Variants in PLEKHA5 observed in about 807,000 individuals in gnomAD.
PLEKHA5 encodes the protein pleckstrin homology domain-containing family A member 5.
In PLEKHA5, 55 loss-of-function variants were observed where a neutral mutation model predicts 181.9. The observed-to-expected ratio is 0.30, with a 90% CI of 0.24 to 0.38. PLEKHA5 has a LOEUF of 0.38. Among genes scored for constraint, PLEKHA5 ranks in the 10% least tolerant of loss-of-function variants. The probability of loss-of-function intolerance (pLI) is 1.00; values close to 1 mark genes in which losing one functional copy is unlikely to be tolerated. For missense variants in PLEKHA5, 1,432 were observed against 1,549.5 expected, an observed-to-expected ratio of 0.92 and a Z score of 1.27; for synonymous variants, 535 against 529.4, an observed-to-expected ratio of 1.01 and a Z score of -0.15.
intron 31 of PLEKHA5, among the ~76,000 whole-genome samples, chr12:19,374,210 G>T (rs1212147916): frequency 1.3e-5 from 2 of 150,596 alleles, no homozygotes; most frequent in African/African-American, 4.9e-5. Flanking sequence ...TCATTTTGTT[G>T]ATCTTTTGGA....
chr12:19,336,445 T>TA, intron 20 of PLEKHA5, 70 bp from the exon 21 acceptor site: 1 of 776,806 alleles, frequency 1.3e-6, no homozygotes, highest in Non-Finnish European at 2.2e-6. Context: ...TCTAGAAAGT[T>TA]ACAATTGGAG....
intron 12 of PLEKHA5, among the ~76,000 whole-genome samples, chr12:19,286,187 A>G (rs2077176996): frequency 6.6e-6 from 1 of 152,238 alleles, no homozygotes; most frequent in Admixed American, 6.5e-5. Context: ...TTGTATACTG[A>G]CATATGTCAA....
At chr12:19,244,058 T>C (rs1220623027) in intron 3 of PLEKHA5, among the ~76,000 whole-genome samples, 1 of 152,078 alleles carries the variant, frequency 6.6e-6, no homozygotes, top group Non-Finnish European at 1.5e-5. Context: ...CATTAAGAAA[T>C]TTTATATTTA....
chr12:19,129,944 C>A (rs1275639312), intron 1 of PLEKHA5, 56 bp downstream of exon 1: 5 of 1,508,202 alleles, frequency 3.3e-6, no homozygotes, highest in South Asian at 1.2e-5. Context: ...AGGAGGCGGG[C>A]GGCTGGCGAC....
At position 19,149,012 on chromosome 12, in the gene PLEKHA5, G is replaced by A. The variant is rs78099780; in HGVS notation, c.227+16562G>A. Among the ~76,000 whole-genome samples the A allele has an allele frequency of 8.0e-3, 1,212 of 152,214 alleles. 8 individuals are homozygous for A. The highest frequency in any genetic ancestry group is 0.02 in the Middle Eastern group (6 of 294). On this transcript the variant is annotated intron_variant, in intron 3 of 31. Transcript: ENST00000429027. ...TGGTAGTAGAAGTAAAGTCCTTTGGGGTTGTGAGTCTTTACTGTATATAAC... is the reference window on the plus strand; with the variant it reads ...TGGTAGTAGAAGTAAAGTCCTTTGGAGTTGTGAGTCTTTACTGTATATAAC...
intron 26 of PLEKHA5, among the ~76,000 whole-genome samples, chr12:19,355,792 T>C (rs1433312249): frequency 1.3e-5 from 2 of 152,034 alleles, no homozygotes; most frequent in Non-Finnish European, 2.9e-5. Context: ...TTTTTACAGA[T>C]TGGAAGATTT....
chr12:19,138,759 CACGTATAAT>C (rs1340416335), intron 3 of PLEKHA5, among the ~76,000 whole-genome samples: 1 of 151,810 alleles, frequency 6.6e-6, no homozygotes, highest in Non-Finnish European at 1.5e-5. Context: ...GGGCTGGGAA[CACGTATAAT>C]ATGTGAATAT....
In PLEKHA5 at chr12:19,319,921, G is replaced by A. The variant is rs574495986; in HGVS notation, c.2119-100G>A. On this transcript the variant is annotated intron_variant, in intron 16 of 31. Transcript: ENST00000429027. ...CACACATAAACTTTTTATGAAATTT[G>A]ACTATCCATAGTTTATAACATAGGC... 6 of 679,404 alleles carry A rather than the reference G, an allele frequency of 8.8e-6. No homozygotes were observed. The East Asian group carries it at 1.6e-4, about 19-fold the overall frequency. 42.1% of individuals were successfully genotyped at this position (679,404 alleles called of 1,614,324 possible). A position where few individuals can be genotyped will look rare whatever the true frequency, so the allele number is the denominator to read the frequency against.
chr12:19,224,236 G>A (rs537115967), intron 3 of PLEKHA5, among the ~76,000 whole-genome samples: 46 of 152,184 alleles, frequency 3.0e-4, no homozygotes, highest in East Asian at 2.1e-3. Context: ...GCAATTTTGC[G>A]GATACTGCTT....
intron 3 of PLEKHA5, among the ~76,000 whole-genome samples, chr12:19,223,519 C>G (rs1397701426): frequency 6.6e-6 from 1 of 152,060 alleles, no homozygotes; most frequent in African/African-American, 2.4e-5. Context: ...TTAAATTACT[C>G]ACTTTTTCTT....
At chr12:19,214,819 A>T (rs1018387028) in intron 3 of PLEKHA5, among the ~76,000 whole-genome samples, 7 of 152,210 alleles carry the variant, frequency 4.6e-5, no homozygotes, top group African/African-American at 1.4e-4. Flanking sequence ...TGTTCATCAC[A>T]TCATTCAATC....
chr12:19,319,720 C>A, intron 16 of PLEKHA5: 1 of 221,040 alleles, frequency 4.5e-6, no homozygotes, highest in South Asian at 7.3e-5. Flanking sequence ...CCTGCAGAGG[C>A]TGTGATGTTA....
At chr12:19,349,883 C>T (rs907096236) in intron 25 of PLEKHA5, among the ~76,000 whole-genome samples, 1 of 152,018 alleles carries the variant, frequency 6.6e-6, no homozygotes, top group Admixed American at 6.6e-5. Context: ...GAGGTGGAGG[C>T]GGGCAGATCG....
chr12:19,249,494 A>C (rs1472459385), intron 3 of PLEKHA5, among the ~76,000 whole-genome samples: 1 of 152,154 alleles, frequency 6.6e-6, no homozygotes, highest in Non-Finnish European at 1.5e-5. Context: ...AAACTTAAGA[A>C]TTGTTTATTT....
intron 3 of PLEKHA5, among the ~76,000 whole-genome samples, chr12:19,182,347 G>T (rs1315097214): frequency 6.6e-6 from 1 of 152,090 alleles, no homozygotes; most frequent in Non-Finnish European, 1.5e-5. Flanking sequence ...TTTTGATTGT[G>T]CTGTATTCTC....
At position 19,212,447 on chromosome 12, in the gene PLEKHA5, G is replaced by A. The variant is rs142175454; in HGVS notation, c.228-41493G>A. 2.1e-3 allele frequency among the ~76,000 whole-genome samples: 320 copies of A among 152,282 alleles called. 1 individual carries two copies. The highest frequency in any genetic ancestry group is 7.3e-3 in the African/African-American group (304 of 41,566). On this transcript the variant is annotated intron_variant, in intron 3 of 31. Coordinates refer to ENST00000429027, the MANE Select transcript of PLEKHA5 (RefSeq NM_001256470.2). ...CCTGTAATCCCAACACTCAGAGGCCGAGGCGGGCTGATCACCTGAGGCCAG... is the reference window on the plus strand; with the variant it reads ...CCTGTAATCCCAACACTCAGAGGCCAAGGCGGGCTGATCACCTGAGGCCAG...
intron 21 of PLEKHA5, 104 bp from the exon 22 acceptor site, chr12:19,343,219 G>A (rs935235958): frequency 1.6e-6 from 1 of 617,724 alleles, no homozygotes; most frequent in Non-Finnish European, 2.7e-6. Flanking sequence ...TTAATTCACT[G>A]CAATTTGCAT....
At chr12:19,187,316 T>G (rs1327079272) in intron 3 of PLEKHA5, among the ~76,000 whole-genome samples, 1 of 152,202 alleles carries the variant, frequency 6.6e-6, no homozygotes, top group Non-Finnish European at 1.5e-5. Flanking sequence ...TGTGTCTTAG[T>G]CAACAGTAAG....
intron 3 of PLEKHA5, chr12:19,243,559 A>G: frequency 6.6e-6 from 1 of 152,178 alleles, no homozygotes; most frequent in South Asian, 2.1e-4. Flanking sequence ...CTTTCTCCCA[A>G]GAAATTGGAA....
Sources: gnomAD v4.1 joint callset for allele counts (sites outside exome capture counted in the v4.1 genomes callset) on GRCh38, gnomAD v4.1.1 for gene constraint, MANE v1.5 for transcripts, NCBI Gene and HGNC (gene_info 2026-07-23, HGNC 2026-07-21) for gene names.